The following TTN variants were observed in gnomAD, a reference collection of about 807,000 sequenced individuals.
TTN encodes the protein titin.
TTN carries 1,525 observed loss-of-function variants against 3,223.0 expected under a neutral mutation model. The ratio of observed to expected loss-of-function variants is 0.47; its 90% CI spans 0.45 to 0.49. The LOEUF (loss-of-function observed/expected upper bound fraction) is 0.49. Among genes scored for constraint, TTN ranks in the 20% least tolerant of loss-of-function variants. The pLI is 0.00. For synonymous variants in TTN, 14,094 were observed against 15,161.0 expected, an observed-to-expected ratio of 0.93 and a Z score of 5.17; for missense variants, 40,786 against 43,424.0, an observed-to-expected ratio of 0.94 and a Z score of 5.40.
intron 219 of TTN, 145 bp downstream of exon 219, chr2:178,642,092 C>T: frequency 7.1e-6 from 4 of 559,726 alleles, no homozygotes; most frequent in Admixed American, 4.1e-5. Flanking sequence ...TGACATTTTT[C>T]TTAATTTTCA....
Position 178,543,220 on chromosome 2 carries a change from C to G in TTN, c.96753G>C (p.Lys32251Asn), listed in dbSNP as rs1327194086. ...GGACTGTGGGTTTTAAGGTGACAAC[C>G]TTCATCCATCTCTCTGTGCCAGCTT... ...ACKAGTERWMKVVTLKPTVLE... is the reference protein window; with the variant it reads ...ACKAGTERWMNVVTLKPTVLE... Residue 32251 changes from lysine (K) to asparagine (N), a missense_variant, in exon 347 of 363, where the codon AAG (lysine) becomes AAC (asparagine). Coordinates refer to ENST00000589042, the MANE Select transcript of TTN (RefSeq NM_001267550.2). The G allele has an allele frequency of 1.2e-6, 2 of 1,613,522 alleles. No individual in the cohort carries two copies. The highest frequency in any genetic ancestry group is 2.7e-5 in the African/African-American group (2 of 74,828).
Position 178,529,118 on chromosome 2 carries a change from G to C in TTN, c.106633C>G (p.Leu35545Val). ...GACATCTTAATTTCTTCAGACCTTA[G>C]GGCTTTTTGGGAAATTTCCTCTTGG... ...VVQEEISQKA[L>V]RSEEIKMSEA... Residue 35545 changes from leucine (L) to valine (V), a missense_variant, in exon 360 of 363, where the codon CTA becomes GTA. Physicochemically the swap from Leu to Val is conservative, Grantham distance 32 (BLOSUM62 1). Transcript: ENST00000589042. 1 of 1,592,120 alleles carries C rather than the reference G, an allele frequency of 6.3e-7. No homozygotes were observed. The highest frequency in any genetic ancestry group is 2.2e-5 in the East Asian group (1 of 44,648).
intron 117 of TTN, 89 bp downstream of exon 117, chr2:178,694,510 T>G: frequency 1.1e-6 from 1 of 890,848 alleles, no homozygotes; most frequent in African/African-American, 1.7e-5. Flanking sequence ...CGTTTCAGAT[T>G]TGTGAGTTAC....
At position 178,634,112 on chromosome 2, in the gene TTN, GA is replaced by G; in HGVS notation, c.42416-30del. 1 of 1,608,668 alleles carries G rather than the reference GA, an allele frequency of 6.2e-7. No homozygotes were observed. The highest frequency in any genetic ancestry group is 8.5e-7 in the Non-Finnish European group (1 of 1,178,680). ...AAATGCAAGCATAGATAATGCCTCA[GA>G]AACACAATTCACCTTCAGAAAGATT... On this transcript the variant is annotated intron_variant, in intron 230 of 362. Transcript: ENST00000589042. The surrounding 1 kb of genome is among the most constrained non-coding windows in gnomAD (Gnocchi z 4.6).
Position 178,684,381 on chromosome 2 carries a change from C to T in TTN, c.32671G>A (p.Glu10891Lys), listed in dbSNP as rs780151924. The T allele has an allele frequency of 6.8e-6, 11 of 1,613,372 alleles. No homozygotes were observed. The highest frequency in any genetic ancestry group is 8.5e-6 in the Non-Finnish European group (10 of 1,179,594). Residue 10891 changes from glutamate (E) to lysine (K), a missense_variant, in exon 132 of 363, where the codon GAA (glutamate) becomes AAA (lysine). Coordinates refer to ENST00000589042, the MANE Select transcript of TTN (RefSeq NM_001267550.2). ...TTAGTTACAGCAACAAGAACTTTTT[C>T]TTCCTGGGTAATTTGCATGTGCCTC... Reference protein sequence around the residue: ...TERHMQITQEEKVLVAVTKKE... With the variant: ...TERHMQITQEKKVLVAVTKKE...
Position 178,599,346 on chromosome 2 carries a change from T to C in TTN, c.56447A>G (p.Lys18816Arg). The C allele has an allele frequency of 6.2e-7, 1 of 1,608,474 alleles. No homozygotes were observed. The change falls in exon 290 of 363, where the codon AAG becomes AGG. Residue 18816 changes from lysine to arginine, a missense_variant. Transcript: ENST00000589042. ...TTTCTCAATTACATAGTTTGTAATCTTAGACCCACCATCATCTTTAGGTGG... is the reference window on the plus strand; with the variant it reads ...TTTCTCAATTACATAGTTTGTAATCCTAGACCCACCATCATCTTTAGGTGG... ...WFPPKDDGGSKITNYVIEKRE... is the reference protein window; with the variant it reads ...WFPPKDDGGSRITNYVIEKRE...
In TTN at chr2:178,652,176, G is replaced by A. The variant is rs2063116462; in HGVS notation, c.39215C>T (p.Pro13072Leu). The part of the protein sequence containing the change: ...KKPEVPPTKV[P>L]EVPKVAVPEK... ...TGGGACAGCTACCTTTGGCACCTCT[G>A]GGACTTTAAAAGATATTATTATTTT... The change falls in exon 204 of 363, where the codon CCA (proline) becomes CTA (leucine). Residue 13072 changes from proline (P) to leucine (L), a missense_variant. Pro to Leu is a moderately conservative substitution (Grantham distance 98, BLOSUM62 -3). Transcript: ENST00000589042. 6.2e-7 allele frequency: 1 copy of A among 1,611,892 alleles called. No individual in the cohort carries two copies. Among genetic ancestry groups the A allele is most frequent in the Admixed American group, 1.7e-5 (1 of 59,942 alleles).
At position 178,702,459 on chromosome 2, in the gene TTN, T is replaced by C. The variant is rs766264907; in HGVS notation, c.30428A>G (p.Asp10143Gly). The change falls in exon 107 of 363, where the codon GAT (aspartate) becomes GGT (glycine). Residue 10143 changes from aspartate to glycine, a missense_variant. Asp to Gly is a moderately conservative substitution (Grantham distance 94). Coordinates refer to ENST00000589042, the MANE Select transcript of TTN (RefSeq NM_001267550.2). ...YMTIHNVTPD[D>G]EGVYSVIARL... Reference sequence around the variant, plus strand: ...AAAACTGTCAATGAAATCACCTTCATCGTCTGGGGTCACATTGTGGATGGT... The same window carrying C: ...AAAACTGTCAATGAAATCACCTTCACCGTCTGGGGTCACATTGTGGATGGT... 1 of 1,613,702 alleles carries C rather than the reference T, an allele frequency of 6.2e-7. No individual in the cohort carries two copies. Among genetic ancestry groups the C allele is most frequent in the African/African-American group, 1.3e-5 (1 of 74,884 alleles).
At position 178,768,111 on chromosome 2, in the gene TTN, G is replaced by A. The variant is rs2090836212; in HGVS notation, c.9208C>T (p.Leu3070=). The A allele has an allele frequency of 1.2e-6, 2 of 1,613,930 alleles. No individual in the cohort carries two copies. The highest frequency in any genetic ancestry group is 8.5e-7 in the Non-Finnish European group (1 of 1,180,018). The change falls in exon 39 of 363, where the codon CTG becomes TTG. Residue 3070 remains leucine, a synonymous_variant. Transcript: ENST00000589042. ...TCAAACATGGCTCGCTTCTTCTCCA[G>A]TACCTTAATGTCCTTAATGTGTTTC... is the stretch of plus-strand genomic sequence containing the variant. ...FRKHIKDIKV[L]EKKRAMFECE... is the part of the protein sequence containing the mutation.
At chr2:178,688,827 T>C (rs746065954) in intron 125 of TTN, 49 bp from the exon 126 acceptor site, 1 of 1,459,146 alleles carries the variant, frequency 6.9e-7, no homozygotes, top group South Asian at 1.2e-5. Context: ...ATTTTAACAA[T>C]TCTCACTTTC....
chr2:178,566,767 A>G lies in TTN; in HGVS notation c.79365T>C (p.His26455=), dbSNP rs1060503925. The change falls in exon 326 of 363, where the codon CAT becomes CAC. Residue 26455 remains histidine, a synonymous_variant. Transcript: ENST00000589042. ...RLRVTGLTED[H]EYEFRVSAEN... The stretch of plus-strand genomic sequence containing the variant: ...CTGCAGAGACCCTGAATTCATACTC[A>G]TGATCTTCTGTTAATCCTGTCACTC... 6.2e-7 allele frequency: 1 copy of G among 1,613,440 alleles called. No homozygotes were observed. Among genetic ancestry groups the G allele is most frequent in the Non-Finnish European group, 8.5e-7 (1 of 1,179,686 alleles).
Position 178,605,144 on chromosome 2 carries a change from A to G in TTN, c.54033T>C (p.Thr18011=), listed in dbSNP as rs750248363. ...CTTCCTTGGTTATCTGAAGTGCATC[A>G]GTGGGTTTTTCAATTACAGTTTCAT... ...SKNETVIEKP[T]DALQITKEEV... The change falls in exon 280 of 363, where the codon ACT becomes ACC. Residue 18011 remains threonine, a synonymous_variant. Transcript: ENST00000589042. The G allele has an allele frequency of 3.7e-6, 6 of 1,612,656 alleles. No homozygotes were observed. Among genetic ancestry groups the G allele is most frequent in the Non-Finnish European group, 5.1e-6 (6 of 1,179,190 alleles).
Position 178,738,320 on chromosome 2 carries a change from T to G in TTN, c.14133A>C (p.Val4711=), listed in dbSNP as rs748633728. The G allele has an allele frequency of 2.5e-6, 4 of 1,613,276 alleles. No individual in the cohort carries two copies. In the South Asian group the frequency reaches 4.4e-5, roughly 18 times the overall value. The change falls in exon 49 of 363, where the codon GTA becomes GTC. Residue 4711 remains valine, a synonymous_variant. Transcript: ENST00000589042. ...TGAATTTGGCTAGGTGGCCCAGTGC[T>G]ACTTCCAGGGGTTCGATTTTCCTCT... is the stretch of plus-strand genomic sequence containing the variant. The part of the protein sequence containing the change: ...VIKRKIEPLE[V]ALGHLAKFTC...
intron 308 of TTN, 51 bp downstream of exon 308, chr2:178,586,454 G>A: frequency 6.3e-7 from 1 of 1,588,114 alleles, no homozygotes; most frequent in South Asian, 1.2e-5. Flanking sequence ...TATAAAAGAA[G>A]AAATTCTAAT....
At chr2:178,583,963 C>A in intron 311 of TTN, 57 bp from the exon 312 acceptor site, 1 of 1,421,638 alleles carries the variant, frequency 7.0e-7, no homozygotes, top group South Asian at 1.6e-5. Flanking sequence ...TTTAAACTTC[C>A]ATATTTCACA....
In TTN at chr2:178,624,721, A is replaced by C. The variant is rs2154215085; in HGVS notation, c.44559T>G (p.Val14853=). Residue 14853 remains valine (V), a synonymous_variant, in exon 242 of 363, where the codon GTT becomes GTG. Coordinates refer to ENST00000589042, the MANE Select transcript of TTN (RefSeq NM_001267550.2). ...GGTCCTCAAGAGGCTTAGTGAATTCAACTGGGGGTTCTGAAAGAATCATAC... is the reference window on the plus strand; with the variant it reads ...GGTCCTCAAGAGGCTTAGTGAATTCCACTGGGGGTTCTGAAAGAATCATAC... ...HANLFVKEPP[V]EFTKPLEDQT... is the part of the protein sequence containing the mutation. 1 of 1,612,142 alleles carries C rather than the reference A, an allele frequency of 6.2e-7. No homozygotes were observed. The highest frequency in any genetic ancestry group is 1.1e-5 in the South Asian group (1 of 90,984).
At chr2:178,623,278 A>T (rs1019370713) in intron 242 of TTN, among the ~76,000 whole-genome samples, 1 of 151,882 alleles carries the variant, frequency 6.6e-6, no homozygotes, top group Non-Finnish European at 1.5e-5. Context: ...TTAGCTTTTT[A>T]AAAAAATCAG....
intron 31 of TTN, 25 bp from the exon 32 acceptor site, chr2:178,773,750 T>C (rs761379281): frequency 1.2e-6 from 2 of 1,614,068 alleles, no homozygotes; most frequent in African/African-American, 1.3e-5. Context: ...ACACACAAGA[T>C]GAATGAATTT....
chr2:178,707,264 G>A (rs1162210191), intron 100 of TTN, among the ~76,000 whole-genome samples: 1 of 152,266 alleles, frequency 6.6e-6, no homozygotes, highest in East Asian at 1.9e-4. Flanking sequence ...TTGGAACTGC[G>A]TTAATTACAT....
Sources: allele counts gnomAD v4.1 joint callset (sites outside exome capture counted in the v4.1 genomes callset), GRCh38; gene constraint gnomAD v4.1.1; non-coding constraint Gnocchi (gnomAD v3.1); transcripts MANE v1.5; gene names NCBI Gene and HGNC (gene_info 2026-07-23, HGNC 2026-07-21).